The following DYRK1A variants were observed in gnomAD, a reference collection of about 807,000 sequenced individuals.
DYRK1A encodes the protein dual specificity tyrosine phosphorylation regulated kinase 1A.
DYRK1A carries 9 observed loss-of-function variants against 79.7 expected under a neutral mutation model. The ratio of observed to expected loss-of-function variants is 0.11; its 90% CI spans 0.07 to 0.20. The LOEUF (loss-of-function observed/expected upper bound fraction) is 0.20, where lower values mean the gene tolerates loss of function less well. Ranked by LOEUF, DYRK1A falls within the 10% of genes least tolerant of loss-of-function variation. The probability of loss-of-function intolerance (pLI) is 1.00; values close to 1 mark genes in which losing one functional copy is unlikely to be tolerated. For synonymous variants in DYRK1A, 349 were observed against 329.7 expected (o/e 1.06, Z -0.63); for missense variants, 622 against 956.0 (o/e 0.65, Z 4.61).
chr21:37,366,106 C>T (rs1201760712), upstream of DYRK1A: 1 of 151,882 alleles, frequency 6.6e-6, no homozygotes, highest in Non-Finnish European at 1.5e-5. Context: ...GCCAGCCCTT[C>T]GAAGAACCGG....
At chr21:37,485,062 G>A (rs1201196464) in intron 5 of DYRK1A, among the ~76,000 whole-genome samples, 1 of 152,066 alleles carries the variant, frequency 6.6e-6, no homozygotes, top group East Asian at 1.9e-4. Context: ...AAATTTCTTG[G>A]GGAGCTTACC....
chr21:37,403,044 C>T lies in DYRK1A; in HGVS notation c.-76-17255C>T, dbSNP rs1346427899. 2.6e-5 allele frequency among the ~76,000 whole-genome samples: 4 copies of T among 152,202 alleles called. No homozygotes were observed. The East Asian group carries it at 5.8e-4, about 22-fold the overall frequency. On this transcript the variant is annotated intron_variant, in intron 1 of 11. Coordinates refer to ENST00000647188, the MANE Select transcript of DYRK1A (RefSeq NM_001347721.2). The stretch of plus-strand genomic sequence containing the variant: ...CCTCCCAAAGTGCTGGGATTACAAG[C>T]GTGAGCCACTGTCCCTGGCCTAGAT...
At position 37,426,754 on chromosome 21, in the gene DYRK1A, CAA is replaced by C. The variant is rs34975084; in HGVS notation, c.10+6385_10+6386del. On this transcript the variant is annotated intron_variant, in intron 2 of 11. Coordinates refer to ENST00000647188, the MANE Select transcript of DYRK1A (RefSeq NM_001347721.2). Reference sequence around the variant, plus strand: ...TGAAACCCCGTCTCTACTAAAAATACAAAAAAAAAAAAAAAATAAGCCAGGTT... The same window carrying C: ...TGAAACCCCGTCTCTACTAAAAATACAAAAAAAAAAAAAATAAGCCAGGTT... Among the ~76,000 whole-genome samples, 133 of 126,928 alleles carry C rather than the reference CAA, an allele frequency of 1.0e-3. 1 individual carries two copies. Among genetic ancestry groups the C allele is most frequent in the Middle Eastern group, 4.0e-3 (1 of 252 alleles). 83.3% of individuals were successfully genotyped at this position (126,928 alleles called of 152,430 possible). A position where few individuals can be genotyped will look rare whatever the true frequency, so the allele number is the denominator to read the frequency against.
At chr21:37,398,538 G>T (rs2148397347) in intron 1 of DYRK1A, among the ~76,000 whole-genome samples, 1 of 152,278 alleles carries the variant, frequency 6.6e-6, no homozygotes, top group African/African-American at 2.4e-5. Flanking sequence ...TATCTGTCCT[G>T]TGTAACTGCC....
intron 5 of DYRK1A, among the ~76,000 whole-genome samples, chr21:37,482,010 G>A (rs1389940237): frequency 6.6e-6 from 1 of 152,170 alleles, no homozygotes; most frequent in Non-Finnish European, 1.5e-5. Flanking sequence ...GAATGAGATG[G>A]TTATTAATCT....
intron 9 of DYRK1A, among the ~76,000 whole-genome samples, chr21:37,500,332 G>T (rs1171574798): frequency 2.6e-5 from 4 of 152,062 alleles, no homozygotes; most frequent in Admixed American, 2.0e-4. Flanking sequence ...ACTTGGCCTT[G>T]ATATACTATT....
rs1174709289 is a variant in DYRK1A, at chr21:37,517,405, G to A, written c.*4874G>A. The A allele has an allele frequency of 6.6e-6, 1 of 152,220 alleles. No homozygotes were observed. The highest frequency in any genetic ancestry group is 1.5e-5 in the Non-Finnish European group (1 of 68,040). The allele number at this position is 152,220 out of a possible 1,614,324, so 9.4% of individuals were successfully genotyped here. A position where few individuals can be genotyped will look rare whatever the true frequency, so the allele number is the denominator to read the frequency against. ...TGCTTAATGTTTCATCTGTCTGAAA[G>A]ACCAGCTATTTGATAATCTTCCCGA... On this transcript the variant is annotated 3_prime_UTR_variant, in exon 12 of 12. Coordinates refer to ENST00000647188, the MANE Select transcript of DYRK1A (RefSeq NM_001347721.2).
chr21:37,506,387 C>T, intron 11 of DYRK1A, 164 bp downstream of exon 11: 2 of 1,527,766 alleles, frequency 1.3e-6, no homozygotes, highest in Non-Finnish European at 1.8e-6. Flanking sequence ...CACATTCTTG[C>T]AGTTTTCCTC....
At chr21:37,508,115 C>G (rs2053649026) in intron 11 of DYRK1A, among the ~76,000 whole-genome samples, 1 of 152,190 alleles carries the variant, frequency 6.6e-6, no homozygotes, top group Non-Finnish European at 1.5e-5. Flanking sequence ...AGTAAATTAT[C>G]TGGATTCACC....
intron 2 of DYRK1A, among the ~76,000 whole-genome samples, chr21:37,450,443 C>G (rs1231849271): frequency 6.6e-6 from 1 of 152,150 alleles, no homozygotes; most frequent in Non-Finnish European, 1.5e-5. Context: ...TGCAGCCGCC[C>G]CCTCTGTAAA....
intron 2 of DYRK1A, among the ~76,000 whole-genome samples, chr21:37,436,505 A>T (rs1465923702): frequency 6.6e-6 from 1 of 152,124 alleles, no homozygotes; most frequent in African/African-American, 2.4e-5. Context: ...TTTGTGTCTG[A>T]TGGTTAAAGC....
intron 2 of DYRK1A, among the ~76,000 whole-genome samples, chr21:37,436,832 G>C (rs1453324484): frequency 1.3e-5 from 2 of 152,122 alleles, no homozygotes; most frequent in Admixed American, 6.6e-5. Context: ...AGTCAGAGGG[G>C]ACCTAGATAC....
intron 3 of DYRK1A, 168 bp from the exon 4 acceptor site, chr21:37,478,040 A>G (rs1350696174): frequency 1.5e-5 from 13 of 842,024 alleles, no homozygotes; most frequent in Non-Finnish European, 7.3e-6. Flanking sequence ...CTTTATTGGA[A>G]TCCACATGAA....
intron 2 of DYRK1A, among the ~76,000 whole-genome samples, chr21:37,444,722 G>C (rs1374054353): frequency 1.3e-5 from 2 of 152,178 alleles, no homozygotes; most frequent in East Asian, 1.9e-4. Context: ...TTGGTGGGTA[G>C]GGGATGATAA....
chr21:37,429,565 G>A (rs1049183845), intron 2 of DYRK1A, among the ~76,000 whole-genome samples: 2 of 152,120 alleles, frequency 1.3e-5, no homozygotes, highest in African/African-American at 4.8e-5. Context: ...CAGATCTCGC[G>A]AGAACGTACT....
At chr21:37,444,918 C>T (rs1175777875) in intron 2 of DYRK1A, among the ~76,000 whole-genome samples, 1 of 152,118 alleles carries the variant, frequency 6.6e-6, no homozygotes, top group East Asian at 1.9e-4. Flanking sequence ...GTAGGTGCTA[C>T]ACCGAACATA....
chr21:37,423,889 T>C (rs2050545590), intron 2 of DYRK1A, among the ~76,000 whole-genome samples: 1 of 152,170 alleles, frequency 6.6e-6, no homozygotes, highest in African/African-American at 2.4e-5. Flanking sequence ...TATATATGAA[T>C]TTAAGTACTT....
chr21:37,456,957 T>C (rs887303393), intron 2 of DYRK1A, among the ~76,000 whole-genome samples: 1 of 152,190 alleles, frequency 6.6e-6, no homozygotes, highest in African/African-American at 2.4e-5. Context: ...ATCCATACTA[T>C]CATTACTGAG....
chr21:37,481,897 TC>T (rs1467243610), intron 5 of DYRK1A, among the ~76,000 whole-genome samples: 1 of 152,130 alleles, frequency 6.6e-6, no homozygotes, highest in Non-Finnish European at 1.5e-5. Flanking sequence ...CCCCAGCTGT[TC>T]CCAGTTGTAA....
Sources: allele counts gnomAD v4.1 joint callset (sites outside exome capture counted in the v4.1 genomes callset), GRCh38; gene constraint gnomAD v4.1.1; transcripts MANE v1.5; gene names NCBI Gene and HGNC (gene_info 2026-07-23, HGNC 2026-07-21).